The following NUF2 variants were observed in gnomAD, a reference collection of about 807,000 sequenced individuals.
NUF2 encodes the protein NUF2 component of NDC80 kinetochore complex.
A neutral mutation model predicts 61.8 loss-of-function variants in NUF2; 34 were observed. That is an observed-to-expected ratio of 0.55 (90% CI 0.42 to 0.73). The LOEUF (loss-of-function observed/expected upper bound fraction) is 0.73. Ranked by LOEUF, NUF2 falls within the 30% of genes least tolerant of loss-of-function variation. The pLI is 0.00. For missense variants in NUF2, 445 were observed against 539.1 expected (o/e 0.83, Z 1.73); for synonymous variants, 172 against 181.6 (o/e 0.95, Z 0.42).
chr1:163,344,994 A>T (rs1177425678), intron 10 of NUF2, among the ~76,000 whole-genome samples: 1 of 152,140 alleles, frequency 6.6e-6, no homozygotes, highest in Non-Finnish European at 1.5e-5. Flanking sequence ...GAGAACACTT[A>T]TATAATCTTG....
At chr1:163,333,065 T>A (rs1650649862) in intron 5 of NUF2, among the ~76,000 whole-genome samples, 1 of 152,192 alleles carries the variant, frequency 6.6e-6, no homozygotes, top group Admixed American at 6.5e-5. Flanking sequence ...GATAGAGAGA[T>A]GTTAAAATCT....
At chr1:163,330,068 A>G (rs527592098) in intron 5 of NUF2, among the ~76,000 whole-genome samples, 6 of 152,302 alleles carry the variant, frequency 3.9e-5, no homozygotes, top group Non-Finnish European at 5.9e-5. Context: ...CTTTAGCACT[A>G]AGGATTTTTA....
In NUF2 at chr1:163,355,547, TG is replaced by T; in HGVS notation, c.*80del. The T allele has an allele frequency of 7.6e-7, 1 of 1,323,760 alleles. No homozygotes were observed. Among genetic ancestry groups the T allele is most frequent in the South Asian group, 1.4e-5 (1 of 69,236 alleles). The allele number at this position is 1,323,760 out of a possible 1,614,324, so 82.0% of individuals were successfully genotyped here. A position where few individuals can be genotyped will look rare whatever the true frequency, so the allele number is the denominator to read the frequency against. ...ATTTAGAAAGAAAAGTTGAAGCGAATGGAAGTATCAGAAGTACCAAATAATG... is the reference window on the plus strand; with the variant it reads ...ATTTAGAAAGAAAAGTTGAAGCGAATGAAGTATCAGAAGTACCAAATAATG... On this transcript the variant is annotated 3_prime_UTR_variant, in exon 14 of 14. Transcript: ENST00000271452.
chr1:163,337,217 A>G (rs533262602), intron 6 of NUF2, among the ~76,000 whole-genome samples: 90 of 152,180 alleles, frequency 5.9e-4, no homozygotes, highest in Admixed American at 5.8e-3. Flanking sequence ...TGAGGTTTAT[A>G]TTTGCCTTTT....
At chr1:163,350,253 G>A (rs1651268529) in intron 13 of NUF2, among the ~76,000 whole-genome samples, 1 of 150,942 alleles carries the variant, frequency 6.6e-6, no homozygotes, top group Admixed American at 6.6e-5. Context: ...AGTGAGCTGA[G>A]ATCGCACCAC....
rs548948127 is a variant in NUF2 at position 163,343,702 on chromosome 1, T to C, written c.670-31T>C. ...GAATGGTAAATCACCAAGTTTATTA[T>C]ATCTAATATATAAAAATGTTTTCTC... On this transcript the variant is annotated intron_variant, in intron 9 of 13. Transcript: ENST00000271452. 1.0e-5 allele frequency: 11 copies of C among 1,063,454 alleles called. 1 individual carries two copies. The South Asian group carries it at 2.5e-4, about 24-fold the overall frequency. The allele number at this position is 1,063,454 out of a possible 1,614,324, so 65.9% of individuals were successfully genotyped here.
Position 163,335,754 on chromosome 1 carries a change from T to C in NUF2, c.338-997T>C, listed in dbSNP as rs79085809. On this transcript the variant is annotated intron_variant, in intron 5 of 13. Transcript: ENST00000271452. ...TACACATTAGTTATGCTGTTTGATA[T>C]TGTCTCTCAGCTCACAGATATTGTA... 3.0e-3 allele frequency among the ~76,000 whole-genome samples: 461 copies of C among 152,302 alleles called. 3 individuals are homozygous for C. The highest frequency in any genetic ancestry group is 0.01 in the African/African-American group (435 of 41,568).
chr1:163,345,204 T>A (rs182409734), intron 10 of NUF2, among the ~76,000 whole-genome samples: 1 of 152,124 alleles, frequency 6.6e-6, no homozygotes, highest in Admixed American at 6.5e-5. Context: ...AGGGAAGGAA[T>A]CTTTGTATTG....
chr1:163,329,234 G>A (rs907865816), intron 5 of NUF2, among the ~76,000 whole-genome samples: 1 of 151,886 alleles, frequency 6.6e-6, no homozygotes, highest in African/African-American at 2.4e-5. Flanking sequence ...TTTATCAAAT[G>A]TAAGAATTAC....
In NUF2 at chr1:163,327,560, A is replaced by G. The variant is rs1341020247; in HGVS notation, c.196A>G (p.Met66Val). The change falls in exon 3 of 14, where the codon ATG becomes GTG. Residue 66 changes from methionine to valine, a missense_variant and splice_region_variant. By Grantham distance (21) the Met-to-Val change is conservative. Coordinates refer to ENST00000271452, the MANE Select transcript of NUF2 (RefSeq NM_145697.3). ...VYGIRLEHFYMMPVNSEVMYP... is the reference protein window; with the variant it reads ...VYGIRLEHFYVMPVNSEVMYP... Reference sequence around the variant, plus strand: ...TGGAATTCGACTGGAACATTTTTACATGGTGAGTTTAAGATGAGGCAAAAT... The same window carrying G: ...TGGAATTCGACTGGAACATTTTTACGTGGTGAGTTTAAGATGAGGCAAAAT... 6.2e-7 allele frequency: 1 copy of G among 1,600,612 alleles called. No individual in the cohort carries two copies. The highest frequency in any genetic ancestry group is 8.6e-7 in the Non-Finnish European group (1 of 1,167,946).
intron 13 of NUF2, among the ~76,000 whole-genome samples, chr1:163,352,884 C>A (rs930761501): frequency 2.0e-5 from 3 of 151,722 alleles, no homozygotes; most frequent in Non-Finnish European, 2.9e-5. Flanking sequence ...AAAAAATATT[C>A]TATCTAAGCT....
intron 9 of NUF2, among the ~76,000 whole-genome samples, chr1:163,342,697 G>T (rs1299408690): frequency 1.3e-5 from 2 of 151,898 alleles, no homozygotes; most frequent in Admixed American, 6.6e-5. Context: ...TAGAGAGAGG[G>T]GAGTATACAC....
At chr1:163,344,568 G>A (rs968949028) in intron 10 of NUF2, among the ~76,000 whole-genome samples, 5 of 147,832 alleles carry the variant, frequency 3.4e-5, no homozygotes, top group African/African-American at 9.9e-5. Context: ...ATTCTGTGGG[G>A]TAGTGGGGAG....
chr1:163,347,433 A>G (rs111879279), intron 11 of NUF2, among the ~76,000 whole-genome samples: 122 of 152,262 alleles, frequency 8.0e-4, no homozygotes, highest in African/African-American at 2.5e-3. Flanking sequence ...TGTTTCTAGC[A>G]CCTACCCTTT....
chr1:163,335,832 A>C (rs1308831708), intron 5 of NUF2, among the ~76,000 whole-genome samples: 1 of 152,076 alleles, frequency 6.6e-6, no homozygotes, highest in Admixed American at 6.5e-5. Context: ...TATGTCTTCA[A>C]CTTCATGAAT....
chr1:163,336,969 C>T, intron 6 of NUF2, 121 bp downstream of exon 6: 1 of 620,148 alleles, frequency 1.6e-6, no homozygotes. Flanking sequence ...TAGAATTGAA[C>T]TCATTTTTAT....
chr1:163,354,583 A>AT, intron 13 of NUF2, among the ~76,000 whole-genome samples: 1 of 152,232 alleles, frequency 6.6e-6, no homozygotes, highest in South Asian at 2.1e-4. Context: ...CATTGTATTC[A>AT]TTTACTGCTT....
chr1:163,327,415 T>C (rs1291610061), intron 2 of NUF2, 73 bp from the exon 3 acceptor site: 5 of 766,704 alleles, frequency 6.5e-6, no homozygotes, highest in Non-Finnish European at 1.1e-5. Flanking sequence ...ATTATAATAT[T>C]GTATGGTAAT....
intron 6 of NUF2, among the ~76,000 whole-genome samples, chr1:163,337,092 G>A (rs1272210197): frequency 1.3e-5 from 2 of 152,020 alleles, no homozygotes; most frequent in Admixed American, 6.6e-5. Flanking sequence ...TTAAAATCTT[G>A]TAGCTGAGGC....
Sources: gnomAD v4.1 joint callset for allele counts (sites outside exome capture counted in the v4.1 genomes callset) on GRCh38, gnomAD v4.1.1 for gene constraint, MANE v1.5 for transcripts, NCBI Gene and HGNC (gene_info 2026-07-23, HGNC 2026-07-21) for gene names.